SPTB: variants seen among roughly 807,000 people sequenced by gnomAD.
The protein encoded by SPTB is spectrin beta, erythrocytic, also known as spectrin beta chain, erythrocytic.
A neutral mutation model predicts 256.2 loss-of-function variants in SPTB; 45 were observed. The ratio of observed to expected loss-of-function variants is 0.18; its 90% CI spans 0.14 to 0.23. The LOEUF (loss-of-function observed/expected upper bound fraction) is 0.23. SPTB is among the 10% of genes least tolerant of loss of function. The probability of loss-of-function intolerance (pLI) is 1.00; values close to 1 mark genes in which losing one functional copy is unlikely to be tolerated. For missense variants in SPTB, 2,715 were observed against 3,040.4 expected, an observed-to-expected ratio of 0.89 and a Z score of 2.52; for synonymous variants, 1,231 against 1,243.1, an observed-to-expected ratio of 0.99 and a Z score of 0.21.
chr14:64,795,663 G>A lies in SPTB; in HGVS notation c.1342-24C>T. ...TCCTGCCCCACCGGGAGAAAAACAGGCAGCTCAGTCAGACACCCAGGGGCT... is the reference window on the plus strand; with the variant it reads ...TCCTGCCCCACCGGGAGAAAAACAGACAGCTCAGTCAGACACCCAGGGGCT... On this transcript the variant is annotated intron_variant, in intron 11 of 35. Transcript: ENST00000644917. The surrounding 1 kb of genome is among the most constrained non-coding windows in gnomAD (Gnocchi z 6.5). The A allele has an allele frequency of 3.1e-6, 5 of 1,613,280 alleles. No individual in the cohort carries two copies. The highest frequency in any genetic ancestry group is 4.2e-6 in the Non-Finnish European group (5 of 1,179,942).
At chr14:64,788,417 G>C (rs552555929) in intron 15 of SPTB, among the ~76,000 whole-genome samples, 1 of 152,324 alleles carries the variant, frequency 6.6e-6, no homozygotes, top group South Asian at 2.1e-4. Flanking sequence ...AGAGATATAA[G>C]AGACAGGCTG....
In SPTB at chr14:64,793,599, C is replaced by A. The variant is rs767503348; in HGVS notation, c.2064G>T (p.Gly688=). Residue 688 remains glycine, a synonymous_variant, in exon 14 of 36, where the codon GGG becomes GGT. Transcript: ENST00000644917. This position sits in a 1 kb window ranked among gnomAD's most constrained non-coding sequence, Gnocchi z 7.0. ...KHKAFEDELR[G]LDAHLEQIFQ... ...AGATCTGCTCCAGGTGAGCATCCAG[C>A]CCACGGAGCTCATCCTCAAAGGCCT... 6.2e-7 allele frequency: 1 copy of A among 1,614,074 alleles called. No individual in the cohort carries two copies. Among genetic ancestry groups the A allele is most frequent in the South Asian group, 1.1e-5 (1 of 91,080 alleles).
In SPTB at chr14:64,779,591, C is replaced by T. The variant is rs114283626; in HGVS notation, c.4473+134G>A. 7,725 of 927,370 alleles carry T rather than the reference C, an allele frequency of 8.3e-3. 340 individuals are homozygous for T. In the African/African-American group the frequency reaches 0.1, roughly 12 times the overall value. The allele number at this position is 927,370 out of a possible 1,614,324, so 57.4% of individuals were successfully genotyped here. A position where few individuals can be genotyped will look rare whatever the true frequency, so the allele number is the denominator to read the frequency against. On this transcript the variant is annotated intron_variant, in intron 21 of 35. Transcript: ENST00000644917. The surrounding 1 kb of genome is among the most constrained non-coding windows in gnomAD (Gnocchi z 4.2). Reference sequence around the variant, plus strand: ...AGCTTTCCATTTAATGTAATCCTCACAAGAACCCTATGAGATAAGGGGTGA... The same window carrying T: ...AGCTTTCCATTTAATGTAATCCTCATAAGAACCCTATGAGATAAGGGGTGA...
At chr14:64,754,001 C>T (rs2081988253) in intron 32 of SPTB, 2 of 670,170 alleles carry the variant, frequency 3.0e-6, no homozygotes, top group Admixed American at 4.4e-5. Flanking sequence ...CTTCTGGCTC[C>T]ATTTCCACCC....
At chr14:64,801,705 C>T (rs1442230247) in intron 6 of SPTB, 49 bp downstream of exon 6, 1 of 1,559,546 alleles carries the variant, frequency 6.4e-7, no homozygotes. Flanking sequence ...CCAAATATTC[C>T]CAGGGAGGCT....
chr14:64,800,014 G>T, intron 8 of SPTB, 80 bp from the exon 9 acceptor site: 1 of 1,560,286 alleles, frequency 6.4e-7, no homozygotes, highest in South Asian at 1.1e-5. Context: ...CACAATCAAG[G>T]TGCCACGAAA....
chr14:64,794,497 C>T lies in SPTB; in HGVS notation c.1765G>A (p.Ala589Thr), dbSNP rs61459051. 2,326 of 1,614,150 alleles carry T rather than the reference C, an allele frequency of 1.4e-3. 25 individuals carry two copies. In the African/African-American group the frequency reaches 0.025, roughly 17 times the overall value. ...IQGDKVKAIT[A>T]ATLKFTEGKG... ...CCCTCGGTGAACTTCAGGGTGGCTG[C>T]GGTGATGGCCTTCACTTTGTCCCCT... Residue 589 changes from alanine to threonine, a missense_variant, in exon 13 of 36, where the codon GCA (alanine) becomes ACA (threonine). Ala to Thr is a moderately conservative substitution (Grantham distance 58). This residue lies in a region of SPTB where 2,239 missense variants were observed against 2,384.4 expected (regional missense o/e 0.94). Coordinates refer to ENST00000644917, the MANE Select transcript of SPTB (RefSeq NM_001355436.2).
At chr14:64,850,886 C>T (rs1240669247) in intron 1 of SPTB, among the ~76,000 whole-genome samples, 1 of 152,194 alleles carries the variant, frequency 6.6e-6, no homozygotes, top group African/African-American at 2.4e-5. Context: ...AACAGGGTGA[C>T]AACTGAAGGA....
chr14:64,784,598 G>A (rs753746397), intron 18 of SPTB, among the ~76,000 whole-genome samples: 1 of 152,208 alleles, frequency 6.6e-6, no homozygotes, highest in Admixed American at 6.5e-5. Context: ...GTGGGCACAG[G>A]TGCATCTTCC....
At position 64,845,857 on chromosome 14, in the gene SPTB, A is replaced by T. The variant is rs981468073; in HGVS notation, c.-51-22712T>A. Among the ~76,000 whole-genome samples the T allele has an allele frequency of 6.6e-6, 1 of 152,078 alleles. No individual in the cohort carries two copies. Among genetic ancestry groups the T allele is most frequent in the Non-Finnish European group, 1.5e-5 (1 of 68,032 alleles). ...AATGTGTGTGTGTGTTATTTATGAAACACATTTCATGGTCAGGCATTTTGG... is the reference window on the plus strand; with the variant it reads ...AATGTGTGTGTGTGTTATTTATGAATCACATTTCATGGTCAGGCATTTTGG... On this transcript the variant is annotated intron_variant, in intron 1 of 35. Transcript: ENST00000644917. This position sits in a 1 kb window ranked among gnomAD's most constrained non-coding sequence, Gnocchi z 4.8.
At position 64,760,321 on chromosome 14, in the gene SPTB, G is replaced by C. The variant is rs2082075341; in HGVS notation, c.6345+6405C>G. Among the ~76,000 whole-genome samples, 1 of 152,038 alleles carries C rather than the reference G, an allele frequency of 6.6e-6. No individual in the cohort carries two copies. Among genetic ancestry groups the C allele is most frequent in the Admixed American group, 6.6e-5 (1 of 15,260 alleles). ...GCCAGGTGGGTAAATGTCTTCTCCG[G>C]GCCAAAGGAGGTGAAGGTGTATGTC... On this transcript the variant is annotated intron_variant, in intron 32 of 35. Coordinates refer to ENST00000644917, the MANE Select transcript of SPTB (RefSeq NM_001355436.2). This position sits in a 1 kb window ranked among gnomAD's most constrained non-coding sequence, Gnocchi z 4.3.
At chr14:64,837,530 A>G (rs1334341113) in intron 1 of SPTB, among the ~76,000 whole-genome samples, 2 of 152,228 alleles carry the variant, frequency 1.3e-5, no homozygotes, top group Non-Finnish European at 2.9e-5. Flanking sequence ...ACTGATCTAT[A>G]AATTCAAAGC....
In SPTB at chr14:64,770,919, T is replaced by G; in HGVS notation, c.5764A>C (p.Ile1922Leu). ...TCCTGGGTCTCGATCTGCCGGATGA[T>G]GCTCTCCATCCAGGAGAGGAGGTCA... is the stretch of plus-strand genomic sequence containing the variant. ...ARDLLSWMESIIRQIETQERP... is the reference protein window; with the variant it reads ...ARDLLSWMESLIRQIETQERP... Residue 1922 changes from isoleucine (I) to leucine (L), a missense_variant, in exon 27 of 36, where the codon ATC becomes CTC. Ile to Leu is a conservative substitution (Grantham distance 5). Coordinates refer to ENST00000644917, the MANE Select transcript of SPTB (RefSeq NM_001355436.2). 1.9e-6 allele frequency: 3 copies of G among 1,614,108 alleles called. No homozygotes were observed. The highest frequency in any genetic ancestry group is 2.5e-6 in the Non-Finnish European group (3 of 1,180,034).
At position 64,779,794 on chromosome 14, in the gene SPTB, T is replaced by C; in HGVS notation, c.4404A>G (p.Gly1468=). ...KRFLDLLEPL[G]RRKKQLESSR... is the part of the protein sequence containing the mutation. ...ATGATTCCAGCTGCTTCTTCCTCCT[T>C]CCTAGGGGTTCCAGGAGGTCCAGGA... The change falls in exon 21 of 36, where the codon GGA becomes GGG. Residue 1468 remains glycine (G), a synonymous_variant. Coordinates refer to ENST00000644917, the MANE Select transcript of SPTB (RefSeq NM_001355436.2). The surrounding 1 kb of genome is among the most constrained non-coding windows in gnomAD (Gnocchi z 4.2). The C allele has an allele frequency of 6.2e-7, 1 of 1,614,076 alleles. No individual in the cohort carries two copies. The highest frequency in any genetic ancestry group is 8.5e-7 in the Non-Finnish European group (1 of 1,179,974).
Position 64,793,518 on chromosome 14 carries a change from C to T in SPTB, c.2145G>A (p.Glu715=), listed in dbSNP as rs1452768898. 5.0e-6 allele frequency: 8 copies of T among 1,614,162 alleles called. No homozygotes were observed. Among genetic ancestry groups the T allele is most frequent in the Non-Finnish European group, 6.8e-6 (8 of 1,180,034 alleles). ...GTGCCGACACCTCCTTTATGCGGGC[C>T]TCGATCTGCGGGTGCCCAAACTGCT... ...ARKQFGHPQI[E]ARIKEVSAQW... is the part of the protein sequence containing the mutation. Residue 715 remains glutamate (E), a synonymous_variant, in exon 14 of 36, where the codon GAG becomes GAA. Coordinates refer to ENST00000644917, the MANE Select transcript of SPTB (RefSeq NM_001355436.2). This position sits in a 1 kb window ranked among gnomAD's most constrained non-coding sequence, Gnocchi z 7.0.
Position 64,766,747 on chromosome 14 carries a change from C to A in SPTB, c.6324G>T (p.Ala2108=). 6.2e-7 allele frequency: 1 copy of A among 1,613,180 alleles called. No homozygotes were observed. Among genetic ancestry groups the A allele is most frequent in the Non-Finnish European group, 8.5e-7 (1 of 1,179,934 alleles). ...TGACCGGGGACGTTCTCTCGGTGGC[C>A]GCATGGTGGGAAACTGGAGCCTCCC... ...TAGEAPVSHH[A]ATERTSPGEE... Residue 2108 remains alanine, a synonymous_variant, in exon 32 of 36, where the codon GCG becomes GCT. Transcript: ENST00000644917.
chr14:64,783,193 C>G (rs1026978360), intron 19 of SPTB, among the ~76,000 whole-genome samples: 10 of 151,798 alleles, frequency 6.6e-5, no homozygotes, highest in Admixed American at 2.6e-4. Flanking sequence ...GAATCTATAT[C>G]ACTAATAATA....
chr14:64,802,209 T>C lies in SPTB; in HGVS notation c.566+17A>G, dbSNP rs1374642643. ...GGCTGGTGGTGGATGTGCTAACAGC[T>C]GGTTCCCAGGGCATACCCTGCCGTC... On this transcript the variant is annotated intron_variant, in intron 5 of 35. Coordinates refer to ENST00000644917, the MANE Select transcript of SPTB (RefSeq NM_001355436.2). This position sits in a 1 kb window ranked among gnomAD's most constrained non-coding sequence, Gnocchi z 5.1. 6.2e-7 allele frequency: 1 copy of C among 1,613,518 alleles called. No homozygotes were observed.
At chr14:64,859,661 T>C (rs2083926165) in intron 1 of SPTB, among the ~76,000 whole-genome samples, 1 of 151,636 alleles carries the variant, frequency 6.6e-6, no homozygotes, top group African/African-American at 2.4e-5. Context: ...GGTGGATCAC[T>C]TGAGCCCAGG....
Sources: gnomAD v4.1 joint callset for allele counts (sites outside exome capture counted in the v4.1 genomes callset) on GRCh38, gnomAD v4.1.1 for gene constraint, gnomAD v4.1.1 regional missense constraint, Gnocchi (gnomAD v3.1) non-coding constraint, MANE v1.5 for transcripts, NCBI Gene and HGNC (gene_info 2026-07-23, HGNC 2026-07-21) for gene names.